TLCD3B: variants seen among roughly 807,000 people sequenced by gnomAD.
The protein encoded by TLCD3B is TLC domain containing 3B.
In TLCD3B, 9 loss-of-function variants were observed where a neutral mutation model predicts 23.0. The observed-to-expected ratio is 0.39, with a 90% CI of 0.24 to 0.68. The LOEUF is 0.68. Among genes scored for constraint, TLCD3B ranks in the 30% least tolerant of loss-of-function variants. The pLI is 0.44. For missense variants in TLCD3B, 307 were observed against 371.8 expected (o/e 0.83, Z 1.43); for synonymous variants, 161 against 161.0 (o/e 1.00, Z 0.00).
At chr16:30,034,942 C>T (rs1292404611), upstream of TLCD3B, among the ~76,000 whole-genome samples, 4 of 148,468 alleles carry the variant, frequency 2.7e-5, no homozygotes, top group Non-Finnish European at 4.5e-5. Flanking sequence ...GACAGAGTCT[C>T]ACTCTGTCAC....
intron 1 of TLCD3B, among the ~76,000 whole-genome samples, chr16:30,051,696 T>C (rs1474289283): frequency 6.6e-6 from 1 of 151,952 alleles, no homozygotes; most frequent in Admixed American, 6.6e-5. Flanking sequence ...GACATGGAAG[T>C]GAGGAATTCA....
chr16:30,035,692 C>G (rs1466548783), upstream of TLCD3B, among the ~76,000 whole-genome samples: 1 of 152,098 alleles, frequency 6.6e-6, no homozygotes, highest in African/African-American at 2.4e-5. Context: ...AATTCGACAT[C>G]CTAATTATCC....
At chr16:30,039,932 G>A (rs766161208) in intron 3 of TLCD3B, among the ~76,000 whole-genome samples, 3 of 151,638 alleles carry the variant, frequency 2.0e-5, no homozygotes, top group Non-Finnish European at 4.4e-5. Context: ...TCAGGAGTTC[G>A]AGACCAGCCT....
chr16:30,027,569 C>A (rs1180617046), intron 2 of TLCD3B: 1 of 456,104 alleles, frequency 2.2e-6, no homozygotes, highest in Non-Finnish European at 4.4e-6. Context: ...CCCAAAGTCA[C>A]CCAATCTCTT....
intron 1 of TLCD3B, among the ~76,000 whole-genome samples, chr16:30,050,092 T>G (rs1248287256): frequency 1.3e-5 from 2 of 152,176 alleles, no homozygotes. Context: ...CCAGCGAGTC[T>G]GGGCACTGCA....
chr16:30,026,534 C>T (rs973627088), intron 3 of TLCD3B, 75 bp downstream of exon 3: 3 of 1,358,862 alleles, frequency 2.2e-6, no homozygotes, highest in Non-Finnish European at 3.1e-6. Context: ...CGGGGCTTCC[C>T]AGGCTCCTGC....
At chr16:30,027,232 G>A in intron 2 of TLCD3B, 2 of 456,384 alleles carry the variant, frequency 4.4e-6, no homozygotes, top group Non-Finnish European at 4.4e-6. Context: ...ACCAGCAACA[G>A]CTGAAGGGGC....
At chr16:30,043,896 T>C (rs1209865245) in intron 2 of TLCD3B, among the ~76,000 whole-genome samples, 1 of 151,760 alleles carries the variant, frequency 6.6e-6, no homozygotes, top group Non-Finnish European at 1.5e-5. Flanking sequence ...ATGTTGCTCA[T>C]GCTGGTCTCA....
chr16:30,044,178 G>A (rs2071620030), intron 2 of TLCD3B, among the ~76,000 whole-genome samples: 1 of 149,502 alleles, frequency 6.7e-6, no homozygotes, highest in Non-Finnish European at 1.5e-5. Flanking sequence ...TGTATTTTTA[G>A]TAGAGATGGG....
intron 3 of TLCD3B, among the ~76,000 whole-genome samples, chr16:30,026,366 G>A (rs1168774996): frequency 6.6e-6 from 1 of 152,166 alleles, no homozygotes; most frequent in East Asian, 1.9e-4. Context: ...TCAGAGACGT[G>A]CAACCACAAA....
chr16:30,042,953 A>G (rs868784709), intron 2 of TLCD3B, among the ~76,000 whole-genome samples: 16 of 152,152 alleles, frequency 1.1e-4, no homozygotes, highest in South Asian at 6.2e-4. Context: ...AAAAAAAATT[A>G]GCCAGGCGTG....
At chr16:30,032,689 C>T (rs1267365644), upstream of TLCD3B, 4 of 147,460 alleles carry the variant, frequency 2.7e-5, no homozygotes, top group African/African-American at 1.0e-4. Context: ...TTCTGTCCCC[C>T]AGGCTGGAGT....
Position 30,030,870 on chromosome 16 carries a change from G to A in TLCD3B, c.-343C>T. The A allele has an allele frequency of 3.8e-6, 3 of 784,170 alleles. No homozygotes were observed. Among genetic ancestry groups the A allele is most frequent in the Non-Finnish European group, 4.6e-6 (3 of 646,576 alleles). The allele number at this position is 784,170 out of a possible 1,614,324, so 48.6% of individuals were successfully genotyped here. On this transcript the variant is annotated 5_prime_UTR_variant, in exon 1 of 5. Transcript: ENST00000380495. ...GGAGGAGGATGCGGATGGGGGAGGGGAGGGAGCCACCAGGCAGGTGGGGAG... is the reference window on the plus strand; with the variant it reads ...GGAGGAGGATGCGGATGGGGGAGGGAAGGGAGCCACCAGGCAGGTGGGGAG...
At position 30,029,508 on chromosome 16, in the gene TLCD3B, A is replaced by G; in HGVS notation, c.133T>C (p.Ser45Pro). The change falls in exon 2 of 5, where the codon TCC becomes CCC. Residue 45 changes from serine (S) to proline (P), a missense_variant. Coordinates refer to ENST00000380495, the MANE Select transcript of TLCD3B (RefSeq NM_031478.6). This position sits in a 1 kb window ranked among gnomAD's most constrained non-coding sequence, Gnocchi z 4.6. ...DAVIVSARLV[S>P]SVQAIMASTA... Reference sequence around the variant, plus strand: ...GAGGCCATGATGGCCTGGACAGAGGACACCAGCCTGGGGGAGAGAGGGAGG... The same window carrying G: ...GAGGCCATGATGGCCTGGACAGAGGGCACCAGCCTGGGGGAGAGAGGGAGG... The G allele has an allele frequency of 6.2e-7, 1 of 1,613,812 alleles. No homozygotes were observed. The highest frequency in any genetic ancestry group is 1.1e-5 in the South Asian group (1 of 91,050).
Position 30,025,883 on chromosome 16 carries a change from G to C in TLCD3B, c.445-62C>G. The C allele has an allele frequency of 7.7e-7, 1 of 1,300,456 alleles. No individual in the cohort carries two copies. The highest frequency in any genetic ancestry group is 2.3e-5 in the East Asian group (1 of 43,446). The allele number at this position is 1,300,456 out of a possible 1,614,324, so 80.6% of individuals were successfully genotyped here. Reference sequence around the variant, plus strand: ...CTCCCTGGGTTCTTGGGCAGCCCCCGCCCTTCCTCTTTCCCCTCTGTCACT... The same window carrying C: ...CTCCCTGGGTTCTTGGGCAGCCCCCCCCCTTCCTCTTTCCCCTCTGTCACT... On this transcript the variant is annotated intron_variant, in intron 3 of 4. Coordinates refer to ENST00000380495, the MANE Select transcript of TLCD3B (RefSeq NM_031478.6). This position sits in a 1 kb window ranked among gnomAD's most constrained non-coding sequence, Gnocchi z 4.1.
chr16:30,026,600 G>A lies in TLCD3B; in HGVS notation c.444+9C>T, dbSNP rs1036034483. The A allele has an allele frequency of 1.6e-5, 19 of 1,225,028 alleles. No homozygotes were observed. Among genetic ancestry groups the A allele is most frequent in the Middle Eastern group, 2.0e-4 (1 of 5,080 alleles). 75.9% of individuals were successfully genotyped at this position (1,225,028 alleles called of 1,614,324 possible). ...CCGCACCCCGCCCGCCCAGCTCCCCGGGACTCACCACTGAGAGTGGGAAGC... is the reference window on the plus strand; with the variant it reads ...CCGCACCCCGCCCGCCCAGCTCCCCAGGACTCACCACTGAGAGTGGGAAGC... On this transcript the variant is annotated intron_variant, in intron 3 of 4. Coordinates refer to ENST00000380495, the MANE Select transcript of TLCD3B (RefSeq NM_031478.6).
At chr16:30,047,227 C>G (rs1056671401) in intron 1 of TLCD3B, among the ~76,000 whole-genome samples, 6 of 152,306 alleles carry the variant, frequency 3.9e-5, no homozygotes, top group African/African-American at 1.4e-4. Context: ...ACCTCTGCCC[C>G]CAGCGGTCAA....
intron 2 of TLCD3B, among the ~76,000 whole-genome samples, chr16:30,044,549 C>G (rs1184496314): frequency 6.6e-6 from 1 of 151,828 alleles, no homozygotes; most frequent in African/African-American, 2.4e-5. Context: ...TGACCTCAGG[C>G]GATCTGCCTG....
At chr16:30,052,965 CT>C (rs1358007844) in exon 1 of TLCD3B, 2 of 152,284 alleles carry the variant, frequency 1.3e-5, no homozygotes, top group African/African-American at 2.4e-5. Context: ...CGCTCTTCCC[CT>C]TCGCTCCCCG....
Sources: gnomAD v4.1 joint callset for allele counts (sites outside exome capture counted in the v4.1 genomes callset) on GRCh38, gnomAD v4.1.1 for gene constraint, Gnocchi (gnomAD v3.1) non-coding constraint, MANE v1.5 for transcripts, NCBI Gene and HGNC (gene_info 2026-07-23, HGNC 2026-07-21) for gene names.